The following ZNF532 variants were observed in gnomAD, a reference collection of about 807,000 sequenced individuals.
ZNF532 encodes the protein zinc finger protein 532.
Under a neutral mutation model 89.3 loss-of-function variants are expected in ZNF532, and 22 were observed. The ratio of observed to expected loss-of-function variants is 0.25; its 90% CI spans 0.18 to 0.35. ZNF532 has a LOEUF of 0.35. Among genes scored for constraint, ZNF532 ranks in the 10% least tolerant of loss-of-function variants. ZNF532 has a pLI of 1.00. For synonymous variants in ZNF532, 606 were observed against 649.6 expected (o/e 0.93, Z 1.02); for missense variants, 1,132 against 1,643.4 (o/e 0.69, Z 5.38).
chr18:58,867,761 C>T (rs1310302180), intron 2 of ZNF532, among the ~76,000 whole-genome samples: 2 of 152,194 alleles, frequency 1.3e-5, no homozygotes, highest in Non-Finnish European at 2.9e-5. Flanking sequence ...GTGTTGAACC[C>T]TTCTTGTTTT....
upstream of ZNF532, chr18:58,863,279 C>T (rs1331718449): frequency 1.3e-5 from 2 of 151,636 alleles, no homozygotes; most frequent in African/African-American, 2.4e-5. Context: ...GCTCCACTCC[C>T]GGGGCGAAGC....
chr18:58,907,623 G>T (rs183764846), intron 2 of ZNF532, among the ~76,000 whole-genome samples: 73 of 152,226 alleles, frequency 4.8e-4, no homozygotes, highest in Middle Eastern at 6.8e-3. Flanking sequence ...TAATTTTGTG[G>T]TCATTTGGGG....
Position 58,918,534 on chromosome 18 carries a change from A to AACCCCACTG in ZNF532, c.248_256dup (p.Thr85_Gly86insAspProThr). 1 of 1,614,238 alleles carries AACCCCACTG rather than the reference A, an allele frequency of 6.2e-7. No homozygotes were observed. Among genetic ancestry groups the AACCCCACTG allele is most frequent in the South Asian group, 1.1e-5 (1 of 91,084 alleles). On this transcript the variant is annotated inframe_insertion, in exon 3 of 10. Coordinates refer to ENST00000591808, the MANE Select transcript of ZNF532 (RefSeq NM_001375912.1). Reference sequence around the variant, plus strand: ...CGAGGGCGGGGAGAAAGACGGCCACAACCCCACTGGCAATGGCTTACATAA... The same window carrying AACCCCACTG: ...CGAGGGCGGGGAGAAAGACGGCCACAACCCCACTGACCCCACTGGCAATGGCTTACATAA...
At chr18:58,920,746 G>T (rs1156286830) in intron 3 of ZNF532, 113 bp downstream of exon 3, 2 of 257,576 alleles carry the variant, frequency 7.8e-6, no homozygotes, top group Non-Finnish European at 1.2e-5. Flanking sequence ...GTGTGTGTGT[G>T]TGTGTGTGTG....
intron 2 of ZNF532, among the ~76,000 whole-genome samples, chr18:58,894,918 G>A (rs1178218408): frequency 4.6e-5 from 7 of 152,216 alleles, no homozygotes; most frequent in Admixed American, 3.9e-4. Context: ...TGTGAGCCCA[G>A]GAGTTTAAGA....
chr18:58,870,604 T>TG lies in ZNF532; in HGVS notation c.-18+5027dup, dbSNP rs139565005. 2.3e-3 allele frequency among the ~76,000 whole-genome samples: 351 copies of TG among 152,246 alleles called. 9 individuals are homozygous for TG. In the East Asian group the frequency reaches 0.056, roughly 24 times the overall value. ...CGGACCTTTCGTTACAAAGGTCCTG[T>TG]GGCAGCCCCATGGAGGTTGGAATAG... On this transcript the variant is annotated intron_variant, in intron 2 of 9. Transcript: ENST00000591808.
rs1253128703 is a variant in ZNF532 at position 58,979,057 on chromosome 18, A to G, written c.3153A>G (p.Gln1051=). The G allele has an allele frequency of 6.2e-7, 1 of 1,607,566 alleles. No individual in the cohort carries two copies. The highest frequency in any genetic ancestry group is 8.5e-7 in the Non-Finnish European group (1 of 1,174,902). The change falls in exon 8 of 10, where the codon CAA becomes CAG. Residue 1051 remains glutamine (Q), a splice_region_variant and synonymous_variant. Transcript: ENST00000591808. ...TGAACTTTCTCTCCTTCCTCCAGCA[A>G]ATGAAGAAACACCCCTGCCGCCAGT... The part of the protein sequence containing the change: ...ISHVRKEHGK[Q]MKKHPCRQCD...
intron 4 of ZNF532, among the ~76,000 whole-genome samples, chr18:58,935,160 A>T (rs530374179): frequency 9.3e-3 from 22 of 2,376 alleles, no homozygotes; most frequent in Non-Finnish European, 0.013. Context: ...CCTCCTCCCC[A>T]CTCCTCCTCC....
rs547133981 is a variant in ZNF532, at chr18:58,959,304, A to G, written c.3150+5505A>G. Among the ~76,000 whole-genome samples the G allele has an allele frequency of 3.1e-4, 40 of 130,264 alleles. No homozygotes were observed. In the South Asian group the frequency reaches 8.7e-3, roughly 28 times the overall value. 85.5% of individuals were successfully genotyped at this position (130,264 alleles called of 152,430 possible). Reference sequence around the variant, plus strand: ...TGGTTTTTTTTTTTGACAAGGTCTCACTCTGTTGCCCAAGCTAAAGTGCAG... The same window carrying G: ...TGGTTTTTTTTTTTGACAAGGTCTCGCTCTGTTGCCCAAGCTAAAGTGCAG... On this transcript the variant is annotated intron_variant, in intron 7 of 9. Transcript: ENST00000591808.
intron 9 of ZNF532, among the ~76,000 whole-genome samples, chr18:58,982,181 T>G (rs2067866792): frequency 6.9e-6 from 1 of 144,756 alleles, no homozygotes; most frequent in Non-Finnish European, 1.5e-5. Context: ...GGCAGGCGCC[T>G]TAATCCCAGC....
chr18:58,867,289 G>T (rs1232542699), intron 2 of ZNF532, among the ~76,000 whole-genome samples: 3 of 152,122 alleles, frequency 2.0e-5, no homozygotes, highest in Non-Finnish European at 2.9e-5. Flanking sequence ...TGTCTTGGTG[G>T]TTTTTAGCTT....
intron 2 of ZNF532, among the ~76,000 whole-genome samples, chr18:58,918,010 ATTC>A (rs2146039221): frequency 6.6e-6 from 1 of 152,312 alleles, no homozygotes; most frequent in African/African-American, 2.4e-5. Context: ...AATCAACTTC[ATTC>A]TTGTTAGCTG....
At chr18:58,944,302 G>A (rs1365746604) in intron 5 of ZNF532, among the ~76,000 whole-genome samples, 1 of 152,120 alleles carries the variant, frequency 6.6e-6, no homozygotes, top group Non-Finnish European at 1.5e-5. Context: ...TGGGTATTTG[G>A]TTTTAGCTTT....
At chr18:58,947,128 G>C (rs1302347790) in intron 5 of ZNF532, among the ~76,000 whole-genome samples, 1 of 152,168 alleles carries the variant, frequency 6.6e-6, no homozygotes, top group African/African-American at 2.4e-5. Flanking sequence ...CAGTTCTCCA[G>C]AGGAAATACA....
chr18:58,975,499 G>A (rs1038759478), intron 7 of ZNF532, among the ~76,000 whole-genome samples: 2 of 152,236 alleles, frequency 1.3e-5, no homozygotes, highest in Non-Finnish European at 2.9e-5. Context: ...GGGAAGCCCC[G>A]TGGCAAACCG....
intron 7 of ZNF532, among the ~76,000 whole-genome samples, chr18:58,959,941 C>CT (rs1209531325): frequency 1.3e-5 from 2 of 152,018 alleles, no homozygotes; most frequent in East Asian, 3.9e-4. Context: ...GATTTTTCTT[C>CT]TTTTTTTATT....
chr18:58,979,160 G>C lies in ZNF532; in HGVS notation c.3256G>C (p.Ala1086Pro). ...IKHKGIRKVY[A>P]CSHCPDSRRT... ...GCACAAAGGCATCAGGAAAGTGTAC[G>C]CCTGCTCGTAAGTCCTGGTTTCTAA... Residue 1086 changes from alanine to proline, a missense_variant, in exon 8 of 10, where the codon GCC (alanine) becomes CCC (proline). By Grantham distance (27) the Ala-to-Pro change is conservative. Transcript: ENST00000591808. 1 of 1,610,156 alleles carries C rather than the reference G, an allele frequency of 6.2e-7. No individual in the cohort carries two copies. Among genetic ancestry groups the C allele is most frequent in the Non-Finnish European group, 8.5e-7 (1 of 1,176,710 alleles).
intron 2 of ZNF532, among the ~76,000 whole-genome samples, chr18:58,894,242 A>T (rs964989224): frequency 6.6e-6 from 1 of 152,160 alleles, no homozygotes. Context: ...AGGTGAGCAG[A>T]TAACTTGAGG....
intron 2 of ZNF532, among the ~76,000 whole-genome samples, chr18:58,874,480 G>T (rs35462339): frequency 0.15 from 19,772 of 128,976 alleles, 1,649 homozygotes; most frequent in Middle Eastern, 0.29. Flanking sequence ...GTGTAGCTGG[G>T]GTTACAGGCG....
Sources: allele counts gnomAD v4.1 joint callset (sites outside exome capture counted in the v4.1 genomes callset), GRCh38; gene constraint gnomAD v4.1.1; transcripts MANE v1.5; gene names NCBI Gene and HGNC (gene_info 2026-07-23, HGNC 2026-07-21).